The following ERC2 variants were observed in gnomAD, a reference collection of about 807,000 sequenced individuals.
The protein encoded by ERC2 is ELKS/RAB6-interacting/CAST family member 2.
In ERC2, 42 loss-of-function variants were observed where a neutral mutation model predicts 114.8. The observed-to-expected ratio is 0.37, with a 90% CI of 0.29 to 0.47. The LOEUF is 0.47. Among genes scored for constraint, ERC2 ranks in the 20% least tolerant of loss-of-function variants. The pLI is 0.99. For synonymous variants in ERC2, 454 were observed against 425.5 expected (o/e 1.07, Z -0.82); for missense variants, 939 against 1,150.7 (o/e 0.82, Z 2.66).
At chr3:55,784,289 G>C (rs548147322) in intron 14 of ERC2, among the ~76,000 whole-genome samples, 1 of 152,148 alleles carries the variant, frequency 6.6e-6, no homozygotes, top group Non-Finnish European at 1.5e-5. Flanking sequence ...GAGAAACAAA[G>C]GTAATTCATT....
intron 17 of ERC2, among the ~76,000 whole-genome samples, chr3:55,583,346 C>CCTGT (rs2057355230): frequency 6.9e-6 from 1 of 145,448 alleles, no homozygotes; most frequent in Non-Finnish European, 1.5e-5. Context: ...TGCCTGTCTG[C>CCTGT]CTGCCTGCCT....
Position 55,779,909 on chromosome 3 carries a change from T to C in ERC2, c.2565-44991A>G, listed in dbSNP as rs534361428. On this transcript the variant is annotated intron_variant, in intron 14 of 17. Transcript: ENST00000288221. ...GTCTTAGTCTTTTTTTTTTGTTAAGTGCTCTTTGGGAATTCTTAAATATAC... is the reference window on the plus strand; with the variant it reads ...GTCTTAGTCTTTTTTTTTTGTTAAGCGCTCTTTGGGAATTCTTAAATATAC... Among the ~76,000 whole-genome samples the C allele has an allele frequency of 1.2e-3, 181 of 152,244 alleles. 2 individuals are homozygous for C. The highest frequency in any genetic ancestry group is 7.3e-3 in the South Asian group (35 of 4,818).
intron 2 of ERC2, among the ~76,000 whole-genome samples, chr3:56,345,298 C>T (rs2058261546): frequency 1.3e-5 from 2 of 152,174 alleles, no homozygotes; most frequent in East Asian, 1.9e-4. Flanking sequence ...CATCTACTCT[C>T]CGCCAGGCCC....
chr3:56,239,378 C>A (rs906530122), intron 3 of ERC2, among the ~76,000 whole-genome samples: 3 of 152,066 alleles, frequency 2.0e-5, no homozygotes, highest in Non-Finnish European at 2.9e-5. Flanking sequence ...TGGTGGCATG[C>A]GCCTGTTGTC....
At chr3:55,983,287 C>T (rs1211891466) in intron 12 of ERC2, among the ~76,000 whole-genome samples, 2 of 152,192 alleles carry the variant, frequency 1.3e-5, no homozygotes, top group Non-Finnish European at 2.9e-5. Flanking sequence ...TAGTCAATTG[C>T]TGCATACATT....
intron 13 of ERC2, among the ~76,000 whole-genome samples, chr3:55,927,898 T>G (rs2065843122): frequency 6.6e-6 from 1 of 152,190 alleles, no homozygotes; most frequent in Non-Finnish European, 1.5e-5. Context: ...ATCACATAAC[T>G]ACCTCTAGTT....
At chr3:55,579,525 T>G (rs2057153807) in intron 17 of ERC2, among the ~76,000 whole-genome samples, 1 of 152,270 alleles carries the variant, frequency 6.6e-6, no homozygotes, top group South Asian at 2.1e-4. Flanking sequence ...TGCTCTCAAT[T>G]TAGACGGCAG....
intron 3 of ERC2, among the ~76,000 whole-genome samples, chr3:56,207,067 G>A (rs999059010): frequency 1.3e-5 from 2 of 152,154 alleles, no homozygotes; most frequent in African/African-American, 4.8e-5. Context: ...GAAACATGGA[G>A]ATAGGAAGAT....
chr3:56,060,678 C>A (rs1194103717), intron 7 of ERC2, among the ~76,000 whole-genome samples: 1 of 152,214 alleles, frequency 6.6e-6, no homozygotes, highest in Non-Finnish European at 1.5e-5. Flanking sequence ...CAGACCACTG[C>A]TGGAGATGTT....
At chr3:56,387,348 T>C (rs1046274906) in intron 2 of ERC2, among the ~76,000 whole-genome samples, 1 of 152,312 alleles carries the variant, frequency 6.6e-6, no homozygotes, top group East Asian at 1.9e-4. Flanking sequence ...TCCTCAAGGA[T>C]TCTCATCACA....
At chr3:55,970,043 C>T (rs2069045283) in intron 12 of ERC2, among the ~76,000 whole-genome samples, 1 of 152,078 alleles carries the variant, frequency 6.6e-6, no homozygotes, top group African/African-American at 2.4e-5. Flanking sequence ...AGAGAGGAAG[C>T]ATTTATTTCA....
chr3:55,853,181 G>A (rs551427864), intron 14 of ERC2, among the ~76,000 whole-genome samples: 63 of 152,284 alleles, frequency 4.1e-4, no homozygotes, highest in African/African-American at 1.5e-3. Flanking sequence ...TGATTCATGG[G>A]ACATGGAAGC....
At chr3:55,697,398 C>G (rs961262319) in intron 16 of ERC2, among the ~76,000 whole-genome samples, 1 of 152,166 alleles carries the variant, frequency 6.6e-6, no homozygotes, top group Non-Finnish European at 1.5e-5. Context: ...CCAAAGGTCT[C>G]AACAACGTGG....
At chr3:55,878,357 A>C (rs980689518) in intron 14 of ERC2, among the ~76,000 whole-genome samples, 2 of 152,124 alleles carry the variant, frequency 1.3e-5, no homozygotes, top group African/African-American at 4.8e-5. Context: ...TAAGGAAGCC[A>C]ACTTCAAAGG....
intron 17 of ERC2, among the ~76,000 whole-genome samples, chr3:55,593,895 C>G (rs962778862): frequency 6.6e-6 from 1 of 152,202 alleles, no homozygotes; most frequent in Non-Finnish European, 1.5e-5. Flanking sequence ...CCCTTCTTCT[C>G]TCAAGTATTC....
chr3:56,074,282 A>C lies in ERC2; in HGVS notation c.1641+6535T>G, dbSNP rs191812780. On this transcript the variant is annotated intron_variant, in intron 7 of 17. Transcript: ENST00000288221. ...ATAGTCTCTCATTTTAAAAACCAAG[A>C]TTATGATAGTGCCTATAAGCCATTA... 2.0e-5 allele frequency among the ~76,000 whole-genome samples: 3 copies of C among 152,310 alleles called. No individual in the cohort carries two copies. In the East Asian group the frequency reaches 5.8e-4, roughly 29 times the overall value.
At chr3:55,837,005 T>C (rs1056130555) in intron 14 of ERC2, among the ~76,000 whole-genome samples, 1 of 152,054 alleles carries the variant, frequency 6.6e-6, no homozygotes, top group Non-Finnish European at 1.5e-5. Flanking sequence ...CATGAAAAAA[T>C]GCTCACCATC....
intron 13 of ERC2, among the ~76,000 whole-genome samples, chr3:55,913,524 TA>T (rs1420878382): frequency 6.7e-6 from 1 of 149,340 alleles, no homozygotes; most frequent in Non-Finnish European, 1.5e-5. Flanking sequence ...AGGTATATTT[TA>T]TTTTCTTCTT....
At chr3:55,926,563 G>A (rs1161566077) in intron 13 of ERC2, among the ~76,000 whole-genome samples, 1 of 152,128 alleles carries the variant, frequency 6.6e-6, no homozygotes, top group Admixed American at 6.5e-5. Context: ...TATGTTCCAT[G>A]GACTACAGAA....
Sources: allele counts gnomAD v4.1 joint callset (sites outside exome capture counted in the v4.1 genomes callset), GRCh38; gene constraint gnomAD v4.1.1; transcripts MANE v1.5; gene names NCBI Gene and HGNC (gene_info 2026-07-23, HGNC 2026-07-21).